Variants in GNPTG observed in about 807,000 individuals in gnomAD.
GNPTG encodes the protein N-acetylglucosamine-1-phosphate transferase subunit gamma, also known as N-acetylglucosamine-1-phosphotransferase subunit gamma.
A neutral mutation model predicts 43.8 loss-of-function variants in GNPTG; 46 were observed. The observed-to-expected ratio is 1.05, with a 90% CI of 0.83 to 1.34. The LOEUF (loss-of-function observed/expected upper bound fraction) is 1.34, where lower values mean the gene tolerates loss of function less well. Among genes scored for constraint, GNPTG ranks in the 40% most tolerant of loss-of-function variants. The pLI is 0.00. For missense variants in GNPTG, 549 were observed against 411.3 expected, an observed-to-expected ratio of 1.33 and a Z score of -2.90; for synonymous variants, 250 against 172.8, an observed-to-expected ratio of 1.45 and a Z score of -3.50.
At position 1,352,242 on chromosome 16, in the gene GNPTG, G is replaced by T; in HGVS notation, c.114G>T (p.Val38=). The change falls in exon 3 of 11, where the codon GTG becomes GTT. Residue 38 remains valine (V), a synonymous_variant. Coordinates refer to ENST00000204679, the MANE Select transcript of GNPTG (RefSeq NM_032520.5). ...KVVEEPNAFG[V]NNPFLPQASR... is the part of the protein sequence containing the mutation. ...CTGACCTTGCCGCTTCCCGTAGGGT[G>T]AACAACCCGTTCTTGCCTCAGGCCA... 1 of 1,548,984 alleles carries T rather than the reference G, an allele frequency of 6.5e-7. No homozygotes were observed. Among genetic ancestry groups the T allele is most frequent in the South Asian group, 1.2e-5 (1 of 83,990 alleles).
Position 1,363,499 on chromosome 16 carries a change from G to C in GNPTG, c.*408G>C. The C allele has an allele frequency of 6.9e-6, 2 of 288,530 alleles. No individual in the cohort carries two copies. The highest frequency in any genetic ancestry group is 6.1e-5 in the South Asian group (2 of 32,948). 17.9% of individuals were successfully genotyped at this position (288,530 alleles called of 1,614,324 possible). A position where few individuals can be genotyped will look rare whatever the true frequency, so the allele number is the denominator to read the frequency against. Reference sequence around the variant, plus strand: ...CAGTTACACACGTCGTGACACCACTGTATCACGGCGAATGTCGAACACTAG... The same window carrying C: ...CAGTTACACACGTCGTGACACCACTCTATCACGGCGAATGTCGAACACTAG... On this transcript the variant is annotated 3_prime_UTR_variant, in exon 11 of 11. Coordinates refer to ENST00000204679, the MANE Select transcript of GNPTG (RefSeq NM_032520.5).
At chr16:1,359,108 G>C (rs572765200) in intron 3 of GNPTG, 1 of 152,260 alleles carries the variant, frequency 6.6e-6, no homozygotes, top group East Asian at 1.9e-4. Context: ...CGCCTGCCTC[G>C]GCCTCCCGAA....
Position 1,361,452 on chromosome 16 carries a change from G to A in GNPTG, c.179-291G>A. ...GAGGTCAGGAGATCGAGACCATCCT[G>A]GCTAACGCGGTGAAACCCCGTCTCT... On this transcript the variant is annotated intron_variant, in intron 3 of 10. Coordinates refer to ENST00000204679, the MANE Select transcript of GNPTG (RefSeq NM_032520.5). The A allele has an allele frequency of 7.8e-6, 3 of 385,738 alleles. 1 individual carries two copies. The highest frequency in any genetic ancestry group is 6.4e-5 in the South Asian group (3 of 46,762). 23.9% of individuals were successfully genotyped at this position (385,738 alleles called of 1,614,324 possible). A position where few individuals can be genotyped will look rare whatever the true frequency, so the allele number is the denominator to read the frequency against.
chr16:1,362,167 CCA>C (rs1468808820), intron 6 of GNPTG, 36 bp downstream of exon 6: 2 of 1,613,084 alleles, frequency 1.2e-6, no homozygotes, highest in South Asian at 1.1e-5. Flanking sequence ...AAGAGGGGCC[CCA>C]GTCTCCCCAA....
At chr16:1,360,554 G>A (rs1189439408) in intron 3 of GNPTG, 1 of 152,306 alleles carries the variant, frequency 6.6e-6, no homozygotes, top group Admixed American at 6.5e-5. Flanking sequence ...AACCCAGGAG[G>A]CGGAGGTTGC....
rs1436743181 is a variant in GNPTG, at chr16:1,362,583, G to C, written c.610-28G>C. 3 of 1,614,144 alleles carry C rather than the reference G, an allele frequency of 1.9e-6. No homozygotes were observed. Among genetic ancestry groups the C allele is most frequent in the Non-Finnish European group, 2.5e-6 (3 of 1,180,000 alleles). ...CCTGGTGGGCCTGGCTGGGAGCTGG[G>C]TGCTGCCCCTGCATCCTCCACCTTC... On this transcript the variant is annotated intron_variant, in intron 8 of 10. Coordinates refer to ENST00000204679, the MANE Select transcript of GNPTG (RefSeq NM_032520.5).
chr16:1,353,129 C>A (rs898958900), intron 3 of GNPTG, among the ~76,000 whole-genome samples: 3 of 152,084 alleles, frequency 2.0e-5, no homozygotes, highest in Non-Finnish European at 4.4e-5. Context: ...ATCACCATCA[C>A]GCCCAGCAAA....
In GNPTG at chr16:1,363,123, C is replaced by T; in HGVS notation, c.*32C>T. 1 of 1,595,916 alleles carries T rather than the reference C, an allele frequency of 6.3e-7. No homozygotes were observed. The highest frequency in any genetic ancestry group is 1.3e-5 in the African/African-American group (1 of 74,584). ...GGTGGGAGAGCAGAGGTGGACGCGG[C>T]CGAGAGCCCTACAGAGAAGCTGGCT... On this transcript the variant is annotated 3_prime_UTR_variant, in exon 11 of 11. Coordinates refer to ENST00000204679, the MANE Select transcript of GNPTG (RefSeq NM_032520.5).
chr16:1,355,302 C>T (rs1322580959), intron 3 of GNPTG, among the ~76,000 whole-genome samples: 2 of 152,158 alleles, frequency 1.3e-5, no homozygotes, highest in South Asian at 2.1e-4. Flanking sequence ...ACGTGTGAGG[C>T]GGATTGTGTG....
At chr16:1,352,189 G>A (rs941874907) in intron 2 of GNPTG, 30 bp downstream of exon 2, 9 of 1,555,952 alleles carry the variant, frequency 5.8e-6, no homozygotes, top group Non-Finnish European at 7.8e-6. Context: ...GGCGGCTCGA[G>A]CGGGGGACGG....
At chr16:1,352,717 C>T (rs1039015148) in intron 3 of GNPTG, among the ~76,000 whole-genome samples, 3 of 152,124 alleles carry the variant, frequency 2.0e-5, no homozygotes, top group Non-Finnish European at 1.5e-5. Context: ...TGATATAGGT[C>T]TTCGTTCTTT....
chr16:1,357,113 C>T (rs966730245), intron 3 of GNPTG, among the ~76,000 whole-genome samples: 4 of 152,184 alleles, frequency 2.6e-5, no homozygotes, highest in African/African-American at 7.2e-5. Context: ...GCAGGTGTGA[C>T]AGGGCTGAGG....
chr16:1,362,812 T>TTG lies in GNPTG; in HGVS notation c.742-10_742-9dup. ...ACCTGGGCTTTCCCTTGAACTCTTT[T>TTG]TGTGGTTGGTAGGCTCATAAAGAAC... On this transcript the variant is annotated splice_polypyrimidine_tract_variant and intron_variant, in intron 9 of 10. Coordinates refer to ENST00000204679, the MANE Select transcript of GNPTG (RefSeq NM_032520.5). The TTG allele has an allele frequency of 6.2e-7, 1 of 1,613,928 alleles. No homozygotes were observed. The highest frequency in any genetic ancestry group is 8.5e-7 in the Non-Finnish European group (1 of 1,180,008).
rs899713613 is a variant in GNPTG at position 1,363,535 on chromosome 16, G to A, written c.*444G>A. The A allele has an allele frequency of 3.2e-5, 8 of 249,866 alleles. No individual in the cohort carries two copies. The East Asian group carries it at 5.7e-4, about 18-fold the overall frequency. 15.5% of individuals were successfully genotyped at this position (249,866 alleles called of 1,614,324 possible). A position where few individuals can be genotyped will look rare whatever the true frequency, so the allele number is the denominator to read the frequency against. ...AATGTCGAACACTAGAGTTACAGACGACAGGCAACAAGAACATGCAGAGCC... is the reference window on the plus strand; with the variant it reads ...AATGTCGAACACTAGAGTTACAGACAACAGGCAACAAGAACATGCAGAGCC... On this transcript the variant is annotated 3_prime_UTR_variant, in exon 11 of 11. Transcript: ENST00000204679.
At chr16:1,352,410 A>G in intron 3 of GNPTG, 104 bp downstream of exon 3, 3 of 1,167,092 alleles carry the variant, frequency 2.6e-6, no homozygotes, top group Non-Finnish European at 3.8e-6. Flanking sequence ...AGTCTAAAGC[A>G]TTGGTTTGTC....
At chr16:1,356,163 G>C (rs1208805239) in intron 3 of GNPTG, among the ~76,000 whole-genome samples, 2 of 152,134 alleles carry the variant, frequency 1.3e-5, no homozygotes, top group African/African-American at 4.8e-5. Context: ...GGGCAGAGGG[G>C]AAACGGAGTC....
rs757707991 is a variant in GNPTG at position 1,363,282 on chromosome 16, A to G, written c.*191A>G. Reference sequence around the variant, plus strand: ...TTCTGTAAACCATTGCATAAATGCTATAGTGTAAAAAAATTTAAACAAGTG... The same window carrying G: ...TTCTGTAAACCATTGCATAAATGCTGTAGTGTAAAAAAATTTAAACAAGTG... On this transcript the variant is annotated 3_prime_UTR_variant, in exon 11 of 11. Transcript: ENST00000204679. 9.7e-6 allele frequency: 6 copies of G among 616,604 alleles called. No individual in the cohort carries two copies. The highest frequency in any genetic ancestry group is 2.9e-5 in the East Asian group (1 of 34,984). The allele number at this position is 616,604 out of a possible 1,614,324, so 38.2% of individuals were successfully genotyped here.
At position 1,356,140 on chromosome 16, in the gene GNPTG, C is replaced by T. The variant is rs527942623; in HGVS notation, c.178+3834C>T. Among the ~76,000 whole-genome samples the T allele has an allele frequency of 2.0e-4, 30 of 152,164 alleles. 1 individual carries two copies. The highest frequency in any genetic ancestry group is 7.2e-4 in the African/African-American group (30 of 41,518). ...CAGCCCTAGGGGGAGTGCTGCCCAC[C>T]GAAGCCTGACCGGGGCAGAGGGGAA... On this transcript the variant is annotated intron_variant, in intron 3 of 10. Coordinates refer to ENST00000204679, the MANE Select transcript of GNPTG (RefSeq NM_032520.5).
rs991432590 is a variant in GNPTG, at chr16:1,352,150, A to C, written c.101A>C (p.Asn34Thr). The C allele has an allele frequency of 1.9e-6, 3 of 1,580,028 alleles. No homozygotes were observed. The highest frequency in any genetic ancestry group is 2.6e-6 in the Non-Finnish European group (3 of 1,164,732). ...AAGATGAAGGTGGTGGAGGAGCCCAACGCGTTTGGGTGAGCAGCCTCGCGG... is the reference window on the plus strand; with the variant it reads ...AAGATGAAGGTGGTGGAGGAGCCCACCGCGTTTGGGTGAGCAGCCTCGCGG... ...AAKMKVVEEP[N>T]AFGVNNPFLP... Residue 34 changes from asparagine to threonine, a missense_variant, in exon 2 of 11, where the codon AAC becomes ACC. Physicochemically the swap from Asn to Thr is moderately conservative, Grantham distance 65. Coordinates refer to ENST00000204679, the MANE Select transcript of GNPTG (RefSeq NM_032520.5).
Sources: gnomAD v4.1 joint callset for allele counts (sites outside exome capture counted in the v4.1 genomes callset) on GRCh38, gnomAD v4.1.1 for gene constraint, MANE v1.5 for transcripts, NCBI Gene and HGNC (gene_info 2026-07-23, HGNC 2026-07-21) for gene names.